CHI3L2: variants seen among roughly 807,000 people sequenced by gnomAD.
CHI3L2 encodes chitinase-3-like protein 2.
A neutral mutation model predicts 47.3 loss-of-function variants in CHI3L2; 47 were observed. The ratio of observed to expected loss-of-function variants is 0.99; its 90% CI spans 0.79 to 1.27. The LOEUF is 1.27. Among genes scored for constraint, CHI3L2 ranks in the 50% most tolerant of loss-of-function variants. The pLI is 0.00. For synonymous variants in CHI3L2, 198 were observed against 169.9 expected (o/e 1.17, Z -1.28); for missense variants, 497 against 462.1 (o/e 1.08, Z -0.69).
In CHI3L2 at chr1:111,230,931, G is replaced by T. The variant is rs1450536774; in HGVS notation, c.260G>T (p.Ser87Ile). 7.4e-6 allele frequency: 12 copies of T among 1,613,854 alleles called. No homozygotes were observed. Among genetic ancestry groups the T allele is most frequent in the Non-Finnish European group, 1.0e-5 (12 of 1,179,886 alleles). The change falls in exon 3 of 11, where the codon AGT (serine) becomes ATT (isoleucine). Residue 87 changes from serine to isoleucine, a missense_variant. Physicochemically the swap from Ser to Ile is moderately radical, Grantham distance 142. Transcript: ENST00000369748. ...GTGATGCTCTACCAGACCATCAACA[G>T]TCTCAAAACCAAGTGAGTAAGATGG... Reference protein sequence around the residue: ...SEVMLYQTINSLKTKNPKLKI... With the variant: ...SEVMLYQTINILKTKNPKLKI...
At chr1:111,228,617 C>T (rs116141908) in intron 1 of CHI3L2, among the ~76,000 whole-genome samples, 1,887 of 152,312 alleles carry the variant, frequency 0.012, 21 homozygotes, top group South Asian at 0.036. Flanking sequence ...CCTAACCTCC[C>T]TGCCTAAAAA....
intron 4 of CHI3L2, among the ~76,000 whole-genome samples, chr1:111,234,323 G>A (rs1179507931): frequency 6.6e-6 from 1 of 152,138 alleles, no homozygotes; most frequent in African/African-American, 2.4e-5. Flanking sequence ...GGCAGCAAAG[G>A]CAAGTGAGGA....
chr1:111,237,663 G>A (rs1659923929), intron 7 of CHI3L2, among the ~76,000 whole-genome samples: 1 of 152,136 alleles, frequency 6.6e-6, no homozygotes, highest in African/African-American at 2.4e-5. Context: ...TTTGTTCTGA[G>A]AGCAGGAAAG....
intron 2 of CHI3L2, among the ~76,000 whole-genome samples, chr1:111,230,280 G>A (rs1032529630): frequency 1.3e-5 from 2 of 151,966 alleles, no homozygotes; most frequent in African/African-American, 4.8e-5. Context: ...TTGAGACAGG[G>A]TCTCACTGTA....
At chr1:111,235,542 TA>T in intron 5 of CHI3L2, 96 bp from the exon 6 acceptor site, 1 of 1,363,724 alleles carries the variant, frequency 7.3e-7, no homozygotes, top group Non-Finnish European at 1.0e-6. Context: ...CCTTTCCATC[TA>T]ATGTGGTTCT....
At chr1:111,230,993 A>C (rs1215175214) in intron 3 of CHI3L2, 50 bp downstream of exon 3, 2 of 1,464,530 alleles carry the variant, frequency 1.4e-6, no homozygotes, top group African/African-American at 2.8e-5. Context: ...AGAGGAGGGA[A>C]GCTGGTCTTA....
chr1:111,238,182 A>G (rs1277365182), intron 7 of CHI3L2, among the ~76,000 whole-genome samples: 1 of 152,240 alleles, frequency 6.6e-6, no homozygotes, highest in East Asian at 1.9e-4. Context: ...CCTGAAATGT[A>G]TGAAATCAAG....
At chr1:111,243,176 T>C (rs945068677) in intron 10 of CHI3L2, 41 bp from the exon 11 acceptor site, 16 of 456,088 alleles carry the variant, frequency 3.5e-5, no homozygotes, top group African/African-American at 3.0e-4. Flanking sequence ...GGCCTCAGTT[T>C]ACTGAGTTGG....
intron 1 of CHI3L2, 42 bp from the exon 2 acceptor site, chr1:111,229,810 G>A (rs778217341): frequency 6.2e-7 from 1 of 1,612,696 alleles, no homozygotes; most frequent in Non-Finnish European, 8.5e-7. Flanking sequence ...AGCAGAACCA[G>A]GTTTGGCTCA....
chr1:111,233,838 T>C (rs1659799319), intron 4 of CHI3L2, among the ~76,000 whole-genome samples: 1 of 152,198 alleles, frequency 6.6e-6, no homozygotes, highest in East Asian at 1.9e-4. Flanking sequence ...TTCATTTTGT[T>C]CTGTACTAAG....
At chr1:111,235,944 T>C in intron 6 of CHI3L2, 80 bp from the exon 7 acceptor site, 1 of 1,580,760 alleles carries the variant, frequency 6.3e-7, no homozygotes, top group African/African-American at 1.3e-5. Flanking sequence ...AGCAGCATCA[T>C]TCAAAGCCAA....
intron 7 of CHI3L2, among the ~76,000 whole-genome samples, chr1:111,237,985 A>G (rs995006484): frequency 2.0e-5 from 3 of 152,210 alleles, no homozygotes; most frequent in African/African-American, 7.2e-5. Flanking sequence ...TCTCTACACC[A>G]CTTATCATAA....
chr1:111,229,878 G>T lies in CHI3L2; in HGVS notation c.67G>T (p.Gly23Ter). ...AGVVVLLLLQ[G>*]GSAYKLVCYF... ...TGTAGTGGTCTTGCTGCTTCTCCAG[G>T]GAGGTAAGTAGTCAATAAGTCACTA... Residue 23 changes from glycine (G) to a stop codon, truncating the protein, a stop_gained, in exon 2 of 11, where the codon GGA (glycine) becomes TGA (stop). Coordinates refer to ENST00000369748, the MANE Select transcript of CHI3L2 (RefSeq NM_004000.3). LOFTEE classifies it high-confidence loss of function. 6.2e-7 allele frequency: 1 copy of T among 1,613,714 alleles called. No homozygotes were observed. The highest frequency in any genetic ancestry group is 8.5e-7 in the Non-Finnish European group (1 of 1,179,864).
chr1:111,236,297 G>A (rs2101552187), intron 7 of CHI3L2, 144 bp downstream of exon 7: 1 of 838,158 alleles, frequency 1.2e-6, no homozygotes. Context: ...GAGCAAGTGA[G>A]TGCAGGAGAA....
intron 6 of CHI3L2, 68 bp downstream of exon 6, chr1:111,235,831 A>G (rs1292928618): frequency 6.3e-7 from 1 of 1,589,960 alleles, no homozygotes; most frequent in Non-Finnish European, 8.6e-7. Flanking sequence ...ATGCATCAGC[A>G]TGTTTGACGG....
intron 4 of CHI3L2, among the ~76,000 whole-genome samples, chr1:111,232,112 A>G (rs12738154): frequency 0.11 from 17,401 of 152,266 alleles, 1,349 homozygotes; most frequent in Admixed American, 0.2. Flanking sequence ...CAGCCAGAGT[A>G]GGCAGAGAGA....
chr1:111,228,707 A>C (rs1310812381), intron 1 of CHI3L2, among the ~76,000 whole-genome samples: 1 of 152,252 alleles, frequency 6.6e-6, no homozygotes, highest in African/African-American at 2.4e-5. Flanking sequence ...CAGCTCCAGC[A>C]GCTGTGTCAT....
chr1:111,240,347 T>A (rs1660010991), intron 8 of CHI3L2, among the ~76,000 whole-genome samples: 1 of 152,236 alleles, frequency 6.6e-6, no homozygotes, highest in South Asian at 2.1e-4. Context: ...CATGGGTCAT[T>A]GTGAGAGTCC....
intron 4 of CHI3L2, among the ~76,000 whole-genome samples, chr1:111,234,545 C>A (rs1469681941): frequency 6.6e-6 from 1 of 152,126 alleles, no homozygotes; most frequent in Non-Finnish European, 1.5e-5. Context: ...CCTAGCAGGA[C>A]TTTTTCTGGA....
Sources: gnomAD v4.1 joint callset for allele counts (sites outside exome capture counted in the v4.1 genomes callset) on GRCh38, gnomAD v4.1.1 for gene constraint, MANE v1.5 for transcripts, NCBI Gene and HGNC (gene_info 2026-07-23, HGNC 2026-07-21) for gene names.